Variants in HMGN5 observed in about 807,000 individuals in gnomAD.
The protein encoded by HMGN5 is high mobility group nucleosome binding domain 5, also known as high mobility group nucleosome-binding domain-containing protein 5.
Under a neutral mutation model 9.5 loss-of-function variants are expected in HMGN5, and 4 were observed. The ratio of observed to expected loss-of-function variants is 0.42; its 90% CI spans 0.21 to 0.96. HMGN5 has a LOEUF of 0.96. Ranked by LOEUF, HMGN5 falls within the 40% of genes least tolerant of loss-of-function variation. The pLI is 0.30. For synonymous variants in HMGN5, 55 were observed against 57.1 expected (o/e 0.96, Z 0.16); for missense variants, 192 against 187.5 (o/e 1.02, Z -0.14).
At chrX:81,120,307 C>T (rs1168343788) in intron 2 of HMGN5, among the ~76,000 whole-genome samples, 1 of 111,398 alleles carries the variant, frequency 9.0e-6, no homozygotes, top group African/African-American at 3.3e-5. Flanking sequence ...TTGGGGAGAC[C>T]TCTTTGTTAC....
Position 81,121,536 on chromosome X carries a change from T to C in HMGN5, c.14A>G (p.Lys5Arg). ...CGTCTGTCTTTCCATTTCACTTACC[T>C]TTCTTTTGGGCATTGTTGTAGCTCT... MPKR[K>R]AAGQGDMRQE... Residue 5 changes from lysine (K) to arginine (R), a missense_variant and splice_region_variant, in exon 2 of 7, where the codon AAG becomes AGG. By Grantham distance (26) the Lys-to-Arg change is conservative. Coordinates refer to ENST00000358130, the MANE Select transcript of HMGN5 (RefSeq NM_030763.3). The C allele has an allele frequency of 8.3e-7, 1 of 1,204,640 alleles. No individual in the cohort carries two copies. Among genetic ancestry groups the C allele is most frequent in the Non-Finnish European group, 1.1e-6 (1 of 891,345 alleles).
intron 1 of HMGN5, among the ~76,000 whole-genome samples, chrX:81,193,923 A>G (rs1346049772): frequency 8.9e-6 from 1 of 111,930 alleles, no homozygotes; most frequent in Non-Finnish European, 1.9e-5. Context: ...ACATTTCAAG[A>G]TATTTAAATT....
At chrX:81,153,111 A>C (rs2075369088) in intron 1 of HMGN5, among the ~76,000 whole-genome samples, 1 of 108,502 alleles carries the variant, frequency 9.2e-6, no homozygotes, top group Non-Finnish European at 1.9e-5. Flanking sequence ...TAACCTGCAC[A>C]TTGTGCACAT....
At chrX:81,162,253 A>T (rs765004285) in intron 1 of HMGN5, among the ~76,000 whole-genome samples, 2 of 110,056 alleles carry the variant, frequency 1.8e-5, no homozygotes, top group African/African-American at 3.3e-5. Context: ...ATAAATTGGT[A>T]CACAGAAAAT....
Position 81,130,963 on chromosome X carries a change from A to T in HMGN5, c.-123-9291T>A, listed in dbSNP as rs779627900. Among the ~76,000 whole-genome samples, 5 of 111,535 alleles carry T rather than the reference A, an allele frequency of 4.5e-5. No individual in the cohort carries two copies. In the South Asian group the frequency reaches 1.9e-3, roughly 42 times the overall value. On this transcript the variant is annotated intron_variant, in intron 1 of 6. Transcript: ENST00000358130. ...AGGGAGAACCAACTAAAACTGTCTGAAAGTTGGGTCAGGGAAGAACTTACT... is the reference window on the plus strand; with the variant it reads ...AGGGAGAACCAACTAAAACTGTCTGTAAGTTGGGTCAGGGAAGAACTTACT...
intron 1 of HMGN5, among the ~76,000 whole-genome samples, chrX:81,155,521 A>G (rs1035338738): frequency 9.0e-6 from 1 of 110,544 alleles, no homozygotes; most frequent in Middle Eastern, 4.7e-3. Flanking sequence ...ATGTCCTTCA[A>G]TGTGTTAATG....
intron 1 of HMGN5, among the ~76,000 whole-genome samples, chrX:81,127,531 A>G (rs2075287385): frequency 9.1e-6 from 1 of 109,979 alleles, no homozygotes; most frequent in African/African-American, 3.3e-5. Context: ...GTCTGTAACA[A>G]TTGATTTTCT....
At chrX:81,178,926 C>T (rs1214042463) in intron 1 of HMGN5, among the ~76,000 whole-genome samples, 2 of 111,517 alleles carry the variant, frequency 1.8e-5, no homozygotes, top group Non-Finnish European at 3.8e-5. Flanking sequence ...TAATCAATCA[C>T]ATAAACAGAA....
chrX:81,182,419 A>G (rs1378474100), intron 1 of HMGN5, among the ~76,000 whole-genome samples: 3 of 111,808 alleles, frequency 2.7e-5, no homozygotes, highest in African/African-American at 6.5e-5. Context: ...GTAATTCCCA[A>G]TGTTGGAAGT....
chrX:81,200,282 C>T (rs764429009), intron 1 of HMGN5, among the ~76,000 whole-genome samples: 2 of 111,991 alleles, frequency 1.8e-5, no homozygotes, highest in Admixed American at 1.9e-4. Flanking sequence ...TTAGTTCAAC[C>T]ATTGTGGAAG....
chrX:81,169,979 AG>A (rs1353737308), intron 1 of HMGN5, among the ~76,000 whole-genome samples: 1 of 103,854 alleles, frequency 9.6e-6, no homozygotes, highest in Admixed American at 1.1e-4. Context: ...ACTTGAACCC[AG>A]GAGGCGGAGG....
chrX:81,197,159 CTT>C (rs2075511088), intron 1 of HMGN5, among the ~76,000 whole-genome samples: 1 of 112,263 alleles, frequency 8.9e-6, no homozygotes, highest in African/African-American at 3.2e-5. Context: ...ATTTGTATAA[CTT>C]TGTTTTAAAA....
chrX:81,125,784 C>A (rs992856400), intron 1 of HMGN5, among the ~76,000 whole-genome samples: 1 of 111,465 alleles, frequency 9.0e-6, no homozygotes, highest in Non-Finnish European at 1.9e-5. Flanking sequence ...AGTTTCAATA[C>A]CCTTGGAATA....
rs1442199366 is a variant in HMGN5 at position 81,140,508 on chromosome X, C to T, written c.-123-18836G>A. Among the ~76,000 whole-genome samples the T allele has an allele frequency of 3.2e-5, 3 of 94,609 alleles. No homozygotes were observed. In the Admixed American group the frequency reaches 4.0e-4, roughly 12 times the overall value. The allele number at this position is 94,609 out of a possible 115,157, so 82.2% of individuals were successfully genotyped here. ...CCGGAAGGGGGAGCTTGCAGTGAGG[C>T]GAGATCGCGCCACTGCACTCCAGCC... On this transcript the variant is annotated intron_variant, in intron 1 of 6. Coordinates refer to ENST00000358130, the MANE Select transcript of HMGN5 (RefSeq NM_030763.3).
At chrX:81,143,136 CA>C (rs767977270) in intron 1 of HMGN5, among the ~76,000 whole-genome samples, 8 of 109,368 alleles carry the variant, frequency 7.3e-5, no homozygotes, top group African/African-American at 2.0e-4. Flanking sequence ...AATGGATACA[CA>C]AAAAATAAGA....
intron 1 of HMGN5, among the ~76,000 whole-genome samples, chrX:81,171,825 T>C (rs1284268067): frequency 9.0e-6 from 1 of 111,246 alleles, no homozygotes; most frequent in East Asian, 2.8e-4. Flanking sequence ...AGGGTCATTG[T>C]ACATATTGTA....
At chrX:81,199,236 A>T (rs1037130210) in intron 1 of HMGN5, among the ~76,000 whole-genome samples, 1 of 112,165 alleles carries the variant, frequency 8.9e-6, no homozygotes, top group African/African-American at 3.2e-5. Flanking sequence ...AGAGGACACA[A>T]ACAAATGGAA....
chrX:81,162,470 T>C (rs907710070), intron 1 of HMGN5, among the ~76,000 whole-genome samples: 2 of 108,442 alleles, frequency 1.8e-5, no homozygotes, highest in South Asian at 4.0e-4. Context: ...TGAGAAGTAA[T>C]AGAGAGTAGA....
chrX:81,118,457 T>G lies in HMGN5; in HGVS notation c.104A>C (p.Lys35Thr), dbSNP rs1275121110. Residue 35 changes from lysine to threonine, a missense_variant, in exon 5 of 7, where the codon AAG becomes ACG. Coordinates refer to ENST00000358130, the MANE Select transcript of HMGN5 (RefSeq NM_030763.3). ...CCTTGAACTTGATGTTCTTTTAGGC[T>G]TCACCTCTGGTGTAACTGGCACAAG... ...AMLVPVTPEV[K>T]PKRTSSSRKM... 1 of 1,178,124 alleles carries G rather than the reference T, an allele frequency of 8.5e-7. No homozygotes were observed. The highest frequency in any genetic ancestry group is 1.1e-6 in the Non-Finnish European group (1 of 872,868).
Sources: allele counts gnomAD v4.1 joint callset (sites outside exome capture counted in the v4.1 genomes callset), GRCh38; gene constraint gnomAD v4.1.1; transcripts MANE v1.5; gene names NCBI Gene and HGNC (gene_info 2026-07-23, HGNC 2026-07-21).